Variants in ALS2 observed in about 807,000 individuals in gnomAD.
ALS2 encodes the protein alsin.
ALS2 carries 117 observed loss-of-function variants against 203.4 expected under a neutral mutation model. The ratio of observed to expected loss-of-function variants is 0.58; its 90% confidence interval spans 0.50 to 0.67. The LOEUF (loss-of-function observed/expected upper bound fraction) is 0.67. Among genes scored for constraint, ALS2 ranks in the 30% least tolerant of loss-of-function variants. The pLI, the probability that ALS2 is intolerant of heterozygous loss-of-function variation, is 0.00. For synonymous variants in ALS2, 718 were observed against 725.9 expected (o/e 0.99, Z 0.17); for missense variants, 1,715 against 1,989.4 (o/e 0.86, Z 2.62).
At position 201,757,677 on chromosome 2, in the gene ALS2, C is replaced by T. The variant is rs753118041; in HGVS notation, c.1196G>A (p.Cys399Tyr). ...CACTCTCACACCAACAGCAGATGCA[C>T]AAGAGACCACCAGGCTGTTTAGGGC... is the stretch of plus-strand genomic sequence containing the variant. ...TSALNSLVVSCASAVGVRVAA... is the reference protein window; with the variant it reads ...TSALNSLVVSYASAVGVRVAA... The change falls in exon 5 of 34, where the codon TGT becomes TAT. Residue 399 changes from cysteine to tyrosine, a missense_variant. Physicochemically the swap from Cys to Tyr is radical, Grantham distance 194. Transcript: ENST00000264276. The T allele has an allele frequency of 3.1e-6, 5 of 1,614,054 alleles. No individual in the cohort carries two copies. Among genetic ancestry groups the T allele is most frequent in the Non-Finnish European group, 4.2e-6 (5 of 1,180,028 alleles).
intron 1 of ALS2, chr2:201,778,535 G>A (rs890198866): frequency 1.3e-5 from 2 of 152,068 alleles, no homozygotes; most frequent in African/African-American, 4.8e-5. Flanking sequence ...GACAGGGAAA[G>A]GAAAATTAAA....
chr2:201,727,398 T>A, intron 16 of ALS2, 120 bp from the exon 17 acceptor site: 2 of 949,368 alleles, frequency 2.1e-6, no homozygotes, highest in Non-Finnish European at 3.3e-6. Flanking sequence ...TTAATGTAAA[T>A]GCTTGCTTGG....
At position 201,728,393 on chromosome 2, in the gene ALS2, T is replaced by C. The variant is rs1691330555; in HGVS notation, c.2841+119A>G. ...AGTTTGCTGAGAATGATGGCTAGCC[T>C]CTTTTAGTCAACAGTTTCAGTAAAA... On this transcript the variant is annotated intron_variant, in intron 15 of 33. Transcript: ENST00000264276. 5 of 1,410,186 alleles carry C rather than the reference T, an allele frequency of 3.5e-6. No homozygotes were observed. In the Admixed American group the frequency reaches 6.8e-5, roughly 19 times the overall value. 87.4% of individuals were successfully genotyped at this position (1,410,186 alleles called of 1,614,324 possible).
At chr2:201,719,547 C>G (rs1232293615) in intron 23 of ALS2, among the ~76,000 whole-genome samples, 1 of 152,054 alleles carries the variant, frequency 6.6e-6, no homozygotes, top group Non-Finnish European at 1.5e-5. Context: ...TGACATCATG[C>G]CACTGCACTC....
At chr2:201,759,647 C>T (rs1304785838) in intron 4 of ALS2, 1 of 984,978 alleles carries the variant, frequency 1.0e-6, no homozygotes, top group African/African-American at 1.7e-5. Flanking sequence ...CTCCAAACAG[C>T]TTATCCTTGA....
intron 13 of ALS2, among the ~76,000 whole-genome samples, chr2:201,730,769 A>T (rs1691505213): frequency 6.6e-6 from 1 of 152,228 alleles, no homozygotes; most frequent in Admixed American, 6.5e-5. Flanking sequence ...GTCACCACAC[A>T]TAACAGGACA....
chr2:201,730,890 T>C (rs1173130688), intron 13 of ALS2, among the ~76,000 whole-genome samples: 2 of 152,244 alleles, frequency 1.3e-5, no homozygotes, highest in Non-Finnish European at 1.5e-5. Flanking sequence ...GCCAGCAGTT[T>C]TACCCACCTT....
intron 5 of ALS2, 46 bp from the exon 6 acceptor site, chr2:201,754,717 G>A (rs746322424): frequency 3.8e-6 from 6 of 1,597,356 alleles, no homozygotes; most frequent in Non-Finnish European, 5.1e-6. Context: ...AGTCCAGAGG[G>A]TAAGAAAACA....
At chr2:201,776,120 A>G (rs1260070663) in intron 1 of ALS2, among the ~76,000 whole-genome samples, 1 of 152,196 alleles carries the variant, frequency 6.6e-6, no homozygotes, top group Admixed American at 6.5e-5. Context: ...AGAAACTCTC[A>G]TATATAATTT....
rs971584023 is a variant in ALS2 at position 201,712,663 on chromosome 2, A to G, written c.4005-1555T>C. Among the ~76,000 whole-genome samples the G allele has an allele frequency of 2.0e-5, 3 of 152,158 alleles. No individual in the cohort carries two copies. The East Asian group carries it at 5.8e-4, about 29-fold the overall frequency. ...AGGAAGTTTTGCTGCAGGGATTAGT[A>G]AATTCTTTAGGTCCAAATGCTAAGC... On this transcript the variant is annotated intron_variant, in intron 25 of 33. Coordinates refer to ENST00000264276, the MANE Select transcript of ALS2 (RefSeq NM_020919.4).
At chr2:201,771,435 G>T (rs1694379059) in intron 1 of ALS2, among the ~76,000 whole-genome samples, 1 of 152,006 alleles carries the variant, frequency 6.6e-6, no homozygotes, top group Non-Finnish European at 1.5e-5. Flanking sequence ...ACTCCAATAG[G>T]GCAATGAAGA....
At chr2:201,717,423 G>T (rs545426262) in intron 24 of ALS2, among the ~76,000 whole-genome samples, 5 of 146,706 alleles carry the variant, frequency 3.4e-5, no homozygotes, top group Non-Finnish European at 6.0e-5. Flanking sequence ...CCAAGATCAC[G>T]CCACCACACT....
chr2:201,759,766 A>G (rs1207990704), intron 4 of ALS2: 1 of 985,154 alleles, frequency 1.0e-6, no homozygotes, highest in African/African-American at 1.7e-5. Flanking sequence ...AACAATAAGA[A>G]TTGAGAATCA....
chr2:201,708,876 G>A (rs1689877620), intron 27 of ALS2, among the ~76,000 whole-genome samples: 1 of 29,522 alleles, frequency 3.4e-5, no homozygotes, highest in Admixed American at 3.1e-4. Flanking sequence ...TAATTGTATA[G>A]TTGAAAAAAA....
intron 31 of ALS2, 138 bp from the exon 32 acceptor site, chr2:201,704,741 G>T: frequency 1.0e-6 from 1 of 959,778 alleles, no homozygotes; most frequent in Non-Finnish European, 1.6e-6. Context: ...TCGTTGGAAA[G>T]GATGACTTTG....
Position 201,768,930 on chromosome 2 carries a change from GA to G in ALS2, c.-46del, listed in dbSNP as rs769985246. On this transcript the variant is annotated 5_prime_UTR_variant, in exon 2 of 34. It removes the in-frame stop codon of an upstream open reading frame in the 5' UTR. Coordinates refer to ENST00000264276, the MANE Select transcript of ALS2 (RefSeq NM_020919.4). ...ATCACCAAATCATTCCTTCTTTACA[GA>G]AAGTCTATCAAGACCTAAACAGTAC... 25 of 1,597,160 alleles carry G rather than the reference GA, an allele frequency of 1.6e-5. No individual in the cohort carries two copies. The highest frequency in any genetic ancestry group is 6.8e-5 in the African/African-American group (5 of 73,926).
chr2:201,776,545 G>A (rs1262861008), intron 1 of ALS2, among the ~76,000 whole-genome samples: 1 of 152,070 alleles, frequency 6.6e-6, no homozygotes, highest in East Asian at 1.9e-4. Context: ...AAATTCCCAG[G>A]TACTGCCACT....
At position 201,726,234 on chromosome 2, in the gene ALS2, GC is replaced by G. The variant is rs1027794857; in HGVS notation, c.3248+249del. Among the ~76,000 whole-genome samples, 47 of 152,148 alleles carry G rather than the reference GC, an allele frequency of 3.1e-4. 1 individual carries two copies. The highest frequency in any genetic ancestry group is 1.0e-3 in the African/African-American group (42 of 41,512). ...AACTGAGAAATGAATAGAAAACATAGCCCCATTTTAACAGATGGAAGGCTGT... is the reference window on the plus strand; with the variant it reads ...AACTGAGAAATGAATAGAAAACATAGCCCATTTTAACAGATGGAAGGCTGT... On this transcript the variant is annotated intron_variant, in intron 19 of 33. Transcript: ENST00000264276.
chr2:201,754,367 A>C, intron 6 of ALS2, 136 bp downstream of exon 6: 1 of 1,132,388 alleles, frequency 8.8e-7, no homozygotes, highest in Non-Finnish European at 1.3e-6. Context: ...TTTTTATCAG[A>C]GTTAATGGTG....
Sources: gnomAD v4.1 joint callset for allele counts (sites outside exome capture counted in the v4.1 genomes callset) on GRCh38, gnomAD v4.1.1 for gene constraint, MANE v1.5 for transcripts, NCBI Gene and HGNC (gene_info 2026-07-23, HGNC 2026-07-21) for gene names.